MCF2L2: variants seen among roughly 807,000 people sequenced by gnomAD.
The protein encoded by MCF2L2 is probable guanine nucleotide exchange factor MCF2L2.
A neutral mutation model predicts 150.2 loss-of-function variants in MCF2L2; 102 were observed. The observed-to-expected ratio is 0.68, with a 90% CI of 0.58 to 0.80. The LOEUF is 0.80. MCF2L2 is among the 30% of genes least tolerant of loss of function. The probability of loss-of-function intolerance (pLI) is 0.00; values close to 1 mark genes in which losing one functional copy is unlikely to be tolerated. For missense variants in MCF2L2, 1,256 were observed against 1,372.8 expected, an observed-to-expected ratio of 0.91 and a Z score of 1.34; for synonymous variants, 465 against 491.3, an observed-to-expected ratio of 0.95 and a Z score of 0.71.
At chr3:183,245,611 C>T (rs1159973772) in intron 15 of MCF2L2, among the ~76,000 whole-genome samples, 1 of 152,048 alleles carries the variant, frequency 6.6e-6, no homozygotes, top group Admixed American at 6.6e-5. Context: ...CCTGAGGGCT[C>T]GGTCTCAATA....
intron 3 of MCF2L2, among the ~76,000 whole-genome samples, chr3:183,367,838 C>T (rs545746328): frequency 4.4e-4 from 67 of 152,226 alleles, no homozygotes; most frequent in African/African-American, 1.4e-3. Flanking sequence ...CATCATAATA[C>T]GCAAAACTCA....
intron 3 of MCF2L2, among the ~76,000 whole-genome samples, chr3:183,364,256 T>C (rs550076677): frequency 3.0e-4 from 46 of 152,050 alleles, no homozygotes; most frequent in South Asian, 1.2e-3. Flanking sequence ...GGGGCTTACG[T>C]CTGTAATCCC....
intron 4 of MCF2L2, 27 bp from the exon 5 acceptor site, chr3:183,338,946 A>T (rs1484405325): frequency 6.3e-7 from 1 of 1,586,316 alleles, no homozygotes. Context: ...AAGTGTCAGG[A>T]GGAGAGAGAA....
intron 5 of MCF2L2, among the ~76,000 whole-genome samples, chr3:183,335,348 G>A (rs1730433543): frequency 7.2e-6 from 1 of 138,290 alleles, no homozygotes; most frequent in Non-Finnish European, 1.5e-5. Flanking sequence ...TACATATACA[G>A]AAGCAATACA....
At chr3:183,219,194 G>C (rs1188624868) in intron 21 of MCF2L2, among the ~76,000 whole-genome samples, 2 of 152,252 alleles carry the variant, frequency 1.3e-5, no homozygotes, top group East Asian at 3.9e-4. Flanking sequence ...GATATACTAA[G>C]AGGTACAAAG....
At chr3:183,258,261 C>G (rs1464269664) in intron 15 of MCF2L2, 1 of 153,114 alleles carries the variant, frequency 6.5e-6, no homozygotes, top group East Asian at 1.9e-4. Context: ...CCACCGCACC[C>G]GGCCCACTTC....
intron 3 of MCF2L2, among the ~76,000 whole-genome samples, chr3:183,348,416 G>A (rs910343197): frequency 1.3e-4 from 19 of 151,228 alleles, no homozygotes; most frequent in Admixed American, 8.6e-4. Flanking sequence ...GTCGGGGGTC[G>A]GGTAGGGGGG....
rs113533750 is a variant in MCF2L2 at position 183,206,464 on chromosome 3, G to A, written c.2713-250C>T. ...TCTACTGTATCTTTATGCAGGAGGC[G>A]CTGCAGCCCTCAACCTTTCAGTGAA... is the stretch of plus-strand genomic sequence containing the variant. On this transcript the variant is annotated intron_variant, in intron 23 of 29. Coordinates refer to ENST00000328913, the MANE Select transcript of MCF2L2 (RefSeq NM_015078.4). Among the ~76,000 whole-genome samples the A allele has an allele frequency of 7.5e-3, 1,145 of 152,282 alleles. 12 individuals carry two copies. The highest frequency in any genetic ancestry group is 0.026 in the African/African-American group (1,069 of 41,556).
chr3:183,395,053 A>G (rs1714360175), intron 1 of MCF2L2, among the ~76,000 whole-genome samples: 2 of 152,248 alleles, frequency 1.3e-5, no homozygotes, highest in Non-Finnish European at 2.9e-5. Context: ...GATCATGCAG[A>G]GCCAGAACTT....
At chr3:183,385,564 G>A (rs763477565) in intron 2 of MCF2L2, among the ~76,000 whole-genome samples, 1 of 152,164 alleles carries the variant, frequency 6.6e-6, no homozygotes, top group Non-Finnish European at 1.5e-5. Flanking sequence ...CAAGAGACAG[G>A]CAGAGAAAGG....
chr3:183,401,783 G>A (rs1466356141), intron 1 of MCF2L2, among the ~76,000 whole-genome samples: 2 of 152,164 alleles, frequency 1.3e-5, no homozygotes, highest in South Asian at 4.1e-4. Context: ...TTTCATTGCT[G>A]AGTTTCATGT....
chr3:183,282,032 G>T (rs887035012), intron 14 of MCF2L2, among the ~76,000 whole-genome samples: 1 of 151,368 alleles, frequency 6.6e-6, no homozygotes, highest in Non-Finnish European at 1.5e-5. Flanking sequence ...CTCCCAAAGC[G>T]CTGGGATTAC....
chr3:183,385,039 G>C (rs1034656701), intron 2 of MCF2L2, among the ~76,000 whole-genome samples: 3 of 152,094 alleles, frequency 2.0e-5, no homozygotes, highest in African/African-American at 7.2e-5. Flanking sequence ...AATGGAACCA[G>C]TCCAAATTGA....
intron 3 of MCF2L2, among the ~76,000 whole-genome samples, chr3:183,367,545 CTTAAAA>C (rs1712612504): frequency 6.6e-6 from 1 of 152,116 alleles, no homozygotes; most frequent in Non-Finnish European, 1.5e-5. Flanking sequence ...ATGTCTATTA[CTTAAAA>C]TCAACCTATA....
rs2108544406 is a variant in MCF2L2, at chr3:183,343,933, G to C, written c.276-2303C>G. ...CACCTGTAATCCCAGCACCTTAGGA[G>C]GCCAAGGCAGGAGGATCGCTTGGGC... On this transcript the variant is annotated intron_variant, in intron 3 of 29. Transcript: ENST00000328913. Among the ~76,000 whole-genome samples the C allele has an allele frequency of 2.0e-5, 3 of 152,162 alleles. No individual in the cohort carries two copies. In the South Asian group the frequency reaches 6.2e-4, roughly 32 times the overall value.
chr3:183,234,709 T>TTTTTA (rs1491223299), intron 15 of MCF2L2, among the ~76,000 whole-genome samples: 1 of 122,212 alleles, frequency 8.2e-6, no homozygotes, highest in African/African-American at 3.0e-5. Flanking sequence ...TTTTTTTTTT[T>TTTTTA]ATTATACTCT....
intron 27 of MCF2L2, among the ~76,000 whole-genome samples, chr3:183,188,946 C>A (rs905316734): frequency 6.6e-6 from 1 of 151,368 alleles, no homozygotes; most frequent in Non-Finnish European, 1.5e-5. Context: ...CCAGCCTGAG[C>A]GACAAGTGTG....
chr3:183,419,333 C>T (rs1470959149), intron 1 of MCF2L2, among the ~76,000 whole-genome samples: 2 of 152,210 alleles, frequency 1.3e-5, no homozygotes, highest in African/African-American at 4.8e-5. Context: ...AGGTCTCTGG[C>T]ATGCCCTGGA....
chr3:183,264,528 G>T (rs1182658500), intron 15 of MCF2L2, among the ~76,000 whole-genome samples: 2 of 152,202 alleles, frequency 1.3e-5, no homozygotes, highest in African/African-American at 4.8e-5. Context: ...ATCTCCCACT[G>T]TGTCTGGTAT....
Sources: gnomAD v4.1 joint callset for allele counts (sites outside exome capture counted in the v4.1 genomes callset) on GRCh38, gnomAD v4.1.1 for gene constraint, MANE v1.5 for transcripts, NCBI Gene and HGNC (gene_info 2026-07-23, HGNC 2026-07-21) for gene names.